Variants in SOX5 observed in about 807,000 individuals in gnomAD.
The protein encoded by SOX5 is transcription factor SOX-5.
Under a neutral mutation model 92.0 loss-of-function variants are expected in SOX5, and 9 were observed. That is an observed-to-expected ratio of 0.10 (90% CI 0.06 to 0.17). The LOEUF is 0.17. SOX5 is among the 10% of genes least tolerant of loss of function. The pLI, the probability that SOX5 is intolerant of heterozygous loss-of-function variation, is 1.00. For synonymous variants in SOX5, 344 were observed against 336.3 expected, an observed-to-expected ratio of 1.02 and a Z score of -0.25; for missense variants, 642 against 944.5, an observed-to-expected ratio of 0.68 and a Z score of 4.20.
At chr12:24,400,608 A>G (rs1254247947) in intron 1 of SOX5, among the ~76,000 whole-genome samples, 2 of 152,230 alleles carry the variant, frequency 1.3e-5, no homozygotes, top group Non-Finnish European at 2.9e-5. Context: ...ATTTAGACCT[A>G]CTAAGTCTGG....
intron 4 of SOX5, among the ~76,000 whole-genome samples, chr12:23,957,350 T>A (rs931553094): frequency 2.0e-5 from 3 of 152,202 alleles, no homozygotes; most frequent in Admixed American, 1.3e-4. Context: ...TCTGAAAAAA[T>A]TTCGTGCCTG....
At position 23,699,863 on chromosome 12, in the gene SOX5, G is replaced by T. The variant is rs559432951; in HGVS notation, c.811-34299C>A. On this transcript the variant is annotated intron_variant, in intron 6 of 14. Coordinates refer to ENST00000451604, the MANE Select transcript of SOX5 (RefSeq NM_006940.6). ...ATAAGGGGAAGCAGTGTAGCCTAGT[G>T]GTTAAGAGAGTTTACTTTTAAAATA... Among the ~76,000 whole-genome samples, 9 of 152,174 alleles carry T rather than the reference G, an allele frequency of 5.9e-5. No homozygotes were observed. The South Asian group carries it at 1.7e-3, about 28-fold the overall frequency.
At chr12:24,537,064 A>G (rs1951704050) in intron 1 of SOX5, among the ~76,000 whole-genome samples, 1 of 152,252 alleles carries the variant, frequency 6.6e-6, no homozygotes, top group Non-Finnish European at 1.5e-5. Flanking sequence ...ATTAAAATAA[A>G]TAGACATGAC....
chr12:23,859,026 G>A (rs2096724800), intron 2 of SOX5, among the ~76,000 whole-genome samples: 1 of 152,180 alleles, frequency 6.6e-6, no homozygotes, highest in Non-Finnish European at 1.5e-5. Context: ...AGCTGAGGAT[G>A]TATGTCACTT....
At position 23,533,355 on chromosome 12, in the gene SOX5, T is replaced by TAA. The variant is rs1284826215; in HGVS notation, c.*862_*863dup. 17 of 222,030 alleles carry TAA rather than the reference T, an allele frequency of 7.7e-5. No homozygotes were observed. The highest frequency in any genetic ancestry group is 2.0e-4 in the South Asian group (4 of 19,798). The allele number at this position is 222,030 out of a possible 1,614,324, so 13.8% of individuals were successfully genotyped here. ...TGAGAACAGCACCTACAGTTTCCAT[T>TAA]AAAAAAAAAAGTCAAATCTCACCAG... On this transcript the variant is annotated 3_prime_UTR_variant, in exon 15 of 15. Transcript: ENST00000451604.
Position 23,700,191 on chromosome 12 carries a change from C to G in SOX5, c.810+34493G>C, listed in dbSNP as rs947507052. ...AATTTAATACGAGTGGAATTTATAT[C>G]TCTAACTTTTTTTTTTCTTCTGTTT... On this transcript the variant is annotated intron_variant, in intron 6 of 14. Transcript: ENST00000451604. Among the ~76,000 whole-genome samples, 3 of 152,000 alleles carry G rather than the reference C, an allele frequency of 2.0e-5. No individual in the cohort carries two copies. In the East Asian group the frequency reaches 5.8e-4, roughly 29 times the overall value.
intron 2 of SOX5, among the ~76,000 whole-genome samples, chr12:24,345,614 A>G (rs1953134979): frequency 6.6e-6 from 1 of 152,214 alleles, no homozygotes; most frequent in Admixed American, 6.5e-5. Flanking sequence ...TAAGAATATG[A>G]ATATTGATAC....
chr12:24,188,170 A>G (rs1956196517), intron 4 of SOX5, among the ~76,000 whole-genome samples: 2 of 152,286 alleles, frequency 1.3e-5, no homozygotes, highest in Admixed American at 1.3e-4. Flanking sequence ...TGAATGCTTC[A>G]TTTCTTCCTG....
At chr12:24,118,245 T>C (rs1948266760) in intron 4 of SOX5, among the ~76,000 whole-genome samples, 5 of 152,046 alleles carry the variant, frequency 3.3e-5, no homozygotes, top group Admixed American at 3.3e-4. Flanking sequence ...AAAGAATAGA[T>C]CATTAACATC....
At chr12:24,310,219 AC>A (rs1437292340) in intron 2 of SOX5, among the ~76,000 whole-genome samples, 2 of 152,212 alleles carry the variant, frequency 1.3e-5, no homozygotes, top group African/African-American at 4.8e-5. Flanking sequence ...TACTTGTGTC[AC>A]TTTGGTTTCT....
At chr12:23,968,393 T>C (rs1457566630) in intron 4 of SOX5, among the ~76,000 whole-genome samples, 2 of 152,216 alleles carry the variant, frequency 1.3e-5, no homozygotes, top group Non-Finnish European at 2.9e-5. Context: ...AGTTCACATG[T>C]TGGAAACTTG....
intron 3 of SOX5, among the ~76,000 whole-genome samples, chr12:24,238,797 A>G: frequency 6.6e-6 from 1 of 152,196 alleles, no homozygotes; most frequent in Non-Finnish European, 1.5e-5. Flanking sequence ...TGCTTTCAAC[A>G]CAATAGCAAC....
Position 23,726,118 on chromosome 12 carries a change from C to CGAGAGAGAGA in SOX5, c.810+8556_810+8565dup, listed in dbSNP as rs60575337. Among the ~76,000 whole-genome samples the CGAGAGAGAGA allele has an allele frequency of 4.3e-3, 527 of 123,550 alleles. 15 individuals carry two copies. The highest frequency in any genetic ancestry group is 5.5e-3 in the Non-Finnish European group (327 of 59,278). 81.1% of individuals were successfully genotyped at this position (123,550 alleles called of 152,430 possible). A position where few individuals can be genotyped will look rare whatever the true frequency, so the allele number is the denominator to read the frequency against. On this transcript the variant is annotated intron_variant, in intron 6 of 14. Transcript: ENST00000451604. ...TAATGGTGTTAAATACATACATCCC[C>CGAGAGAGAGA]GAGAGAGAGAGAGAGAGAGAGAGAG...
chr12:23,839,194 G>T (rs948699345), intron 3 of SOX5, among the ~76,000 whole-genome samples: 5 of 151,898 alleles, frequency 3.3e-5, no homozygotes, highest in African/African-American at 1.2e-4. Flanking sequence ...AGGTGGGGGA[G>T]GTATCTATCT....
chr12:23,984,311 G>C (rs1189534503), intron 4 of SOX5, among the ~76,000 whole-genome samples: 1 of 152,148 alleles, frequency 6.6e-6, no homozygotes, highest in Middle Eastern at 3.2e-3. Context: ...TAGATTAAAA[G>C]GGCCTACAAG....
intron 4 of SOX5, among the ~76,000 whole-genome samples, chr12:24,015,922 GA>G (rs11334278): frequency 0.54 from 79,065 of 145,078 alleles, 21,097 homozygotes; most frequent in East Asian, 0.75. Context: ...AATGGGGGCA[GA>G]AAAAAAAAAA....
At chr12:24,396,532 G>A (rs958543215) in intron 1 of SOX5, among the ~76,000 whole-genome samples, 8 of 152,188 alleles carry the variant, frequency 5.3e-5, no homozygotes, top group Non-Finnish European at 1.0e-4. Context: ...GGTTAACCCC[G>A]TTGGTGCCGC....
At chr12:23,695,118 C>CCAA (rs34622414) in intron 6 of SOX5, among the ~76,000 whole-genome samples, 1 of 139,570 alleles carries the variant, frequency 7.2e-6, no homozygotes, top group African/African-American at 2.7e-5. Flanking sequence ...AACCTTGTCT[C>CCAA]AAAAAAAAAA....
At chr12:24,286,628 C>T (rs1945900133) in intron 2 of SOX5, among the ~76,000 whole-genome samples, 1 of 152,148 alleles carries the variant, frequency 6.6e-6, no homozygotes, top group African/African-American at 2.4e-5. Context: ...ACCTCAAACT[C>T]CTGGGCTCAG....
Sources: allele counts gnomAD v4.1 joint callset (sites outside exome capture counted in the v4.1 genomes callset), GRCh38; gene constraint gnomAD v4.1.1; transcripts MANE v1.5; gene names NCBI Gene and HGNC (gene_info 2026-07-23, HGNC 2026-07-21).